Variants in IMMP2L observed in about 807,000 individuals in gnomAD.
IMMP2L encodes inner mitochondrial membrane peptidase subunit 2, also known as mitochondrial inner membrane protease subunit 2.
In IMMP2L, 18 loss-of-function variants were observed where a neutral mutation model predicts 19.3. That is an observed-to-expected ratio of 0.93 (90% CI 0.64 to 1.38). The LOEUF (loss-of-function observed/expected upper bound fraction) is 1.38. Ranked by LOEUF, IMMP2L falls within the 40% of genes most tolerant of loss-of-function variation. The probability of loss-of-function intolerance (pLI) is 0.00; values close to 1 mark genes in which losing one functional copy is unlikely to be tolerated. For synonymous variants in IMMP2L, 76 were observed against 73.0 expected (o/e 1.04, Z -0.21); for missense variants, 233 against 218.2 (o/e 1.07, Z -0.43).
chr7:111,355,285 C>T (rs1828585063), intron 3 of IMMP2L, among the ~76,000 whole-genome samples: 1 of 151,578 alleles, frequency 6.6e-6, no homozygotes, highest in Non-Finnish European at 1.5e-5. Context: ...ATATAATGTA[C>T]ATAATAATAC....
intron 5 of IMMP2L, among the ~76,000 whole-genome samples, chr7:110,771,616 A>T (rs1799042079): frequency 6.6e-6 from 1 of 152,194 alleles, no homozygotes; most frequent in African/African-American, 2.4e-5. Flanking sequence ...ATGAGCTAGA[A>T]TATGTTCACA....
chr7:110,861,172 A>G (rs574075492), intron 5 of IMMP2L, among the ~76,000 whole-genome samples: 27 of 152,024 alleles, frequency 1.8e-4, no homozygotes, highest in South Asian at 4.2e-4. Context: ...ATCTACTGTA[A>G]GACAGAGAGA....
chr7:111,270,926 C>T (rs571263124), intron 3 of IMMP2L, among the ~76,000 whole-genome samples: 1 of 152,250 alleles, frequency 6.6e-6, no homozygotes, highest in African/African-American at 2.4e-5. Context: ...AGTACAGTCT[C>T]AGGACCACAT....
chr7:111,249,950 GAGA>G (rs1444927627), intron 3 of IMMP2L, among the ~76,000 whole-genome samples: 3 of 152,146 alleles, frequency 2.0e-5, no homozygotes, highest in African/African-American at 7.2e-5. Flanking sequence ...CAAACAGGAA[GAGA>G]AGAAGTCAAA....
chr7:111,426,417 T>G (rs1219953854), intron 3 of IMMP2L, among the ~76,000 whole-genome samples: 1 of 150,870 alleles, frequency 6.6e-6, no homozygotes, highest in Non-Finnish European at 1.5e-5. Context: ...AGAGGTTTTT[T>G]GCAATAACAT....
intron 3 of IMMP2L, among the ~76,000 whole-genome samples, chr7:111,396,926 T>C (rs1832929518): frequency 1.3e-5 from 2 of 151,760 alleles, no homozygotes. Context: ...CTACTAAAAA[T>C]ACAAAAACAA....
chr7:111,311,356 G>A (rs1823496297), intron 3 of IMMP2L, among the ~76,000 whole-genome samples: 1 of 151,800 alleles, frequency 6.6e-6, no homozygotes, highest in East Asian at 1.9e-4. Flanking sequence ...AGGGAGGGAG[G>A]GATCATTTGG....
At chr7:110,953,866 G>T (rs1197648227) in intron 4 of IMMP2L, among the ~76,000 whole-genome samples, 2 of 152,110 alleles carry the variant, frequency 1.3e-5, no homozygotes, top group African/African-American at 4.8e-5. Flanking sequence ...CATTCTAAGT[G>T]ACGTGAGATG....
At chr7:111,201,902 C>G (rs964407871) in intron 3 of IMMP2L, among the ~76,000 whole-genome samples, 2 of 152,112 alleles carry the variant, frequency 1.3e-5, no homozygotes, top group Non-Finnish European at 2.9e-5. Flanking sequence ...AAACCAGAAA[C>G]TGAATATACT....
chr7:111,053,010 A>T (rs138061221), intron 3 of IMMP2L, among the ~76,000 whole-genome samples: 11 of 152,326 alleles, frequency 7.2e-5, no homozygotes, highest in Admixed American at 2.6e-4. Context: ...GAATCCATAC[A>T]GGTCTACAGG....
chr7:111,089,690 C>A (rs1260602866), intron 3 of IMMP2L, among the ~76,000 whole-genome samples: 1 of 151,866 alleles, frequency 6.6e-6, no homozygotes, highest in Non-Finnish European at 1.5e-5. Flanking sequence ...ATAATAAAAC[C>A]TTACAATAAT....
chr7:110,960,412 G>A, intron 4 of IMMP2L, among the ~76,000 whole-genome samples: 1 of 151,682 alleles, frequency 6.6e-6, no homozygotes. Flanking sequence ...TCTGTTTCTA[G>A]GAATTCACCT....
At chr7:110,918,316 G>A (rs1813847764) in intron 4 of IMMP2L, among the ~76,000 whole-genome samples, 1 of 152,046 alleles carries the variant, frequency 6.6e-6, no homozygotes, top group Admixed American at 6.6e-5. Flanking sequence ...GTTAGGAGAA[G>A]GAAGTAATTA....
intron 3 of IMMP2L, among the ~76,000 whole-genome samples, chr7:111,301,144 G>A (rs995774460): frequency 1.1e-4 from 17 of 152,052 alleles, no homozygotes; most frequent in African/African-American, 4.1e-4. Context: ...ATTCTGATAG[G>A]TGTGTAGTAA....
intron 4 of IMMP2L, among the ~76,000 whole-genome samples, chr7:110,922,267 A>G (rs1455852946): frequency 6.6e-6 from 1 of 152,200 alleles, no homozygotes; most frequent in East Asian, 1.9e-4. Flanking sequence ...GTAAAGAATT[A>G]TGCATACATC....
chr7:110,684,701 G>T (rs1202194245), intron 5 of IMMP2L, among the ~76,000 whole-genome samples: 1 of 151,974 alleles, frequency 6.6e-6, no homozygotes, highest in East Asian at 1.9e-4. Flanking sequence ...GGAAATTTGG[G>T]CTGATGATGA....
At chr7:111,197,615 A>G (rs969786292) in intron 3 of IMMP2L, among the ~76,000 whole-genome samples, 6 of 152,198 alleles carry the variant, frequency 3.9e-5, no homozygotes, top group Non-Finnish European at 7.4e-5. Flanking sequence ...GGGCTTCAAC[A>G]AACCAAAGTA....
chr7:111,398,202 G>A (rs556181546), intron 3 of IMMP2L, among the ~76,000 whole-genome samples: 2 of 152,054 alleles, frequency 1.3e-5, no homozygotes, highest in East Asian at 1.9e-4. Flanking sequence ...TGATATCCTT[G>A]ATCAACACAG....
At chr7:111,086,313 G>A (rs1192475063) in intron 3 of IMMP2L, among the ~76,000 whole-genome samples, 2 of 151,686 alleles carry the variant, frequency 1.3e-5, no homozygotes, top group Non-Finnish European at 2.9e-5. Context: ...GGTGGCTTGT[G>A]CCTGTGGTCC....
Sources: allele counts gnomAD v4.1 joint callset (sites outside exome capture counted in the v4.1 genomes callset), GRCh38; gene constraint gnomAD v4.1.1; transcripts MANE v1.5; gene names NCBI Gene and HGNC (gene_info 2026-07-23, HGNC 2026-07-21).